Variants in CREB5 observed in about 807,000 individuals in gnomAD.
CREB5 encodes the protein cyclic AMP-responsive element-binding protein 5.
CREB5 carries 19 observed loss-of-function variants against 57.1 expected under a neutral mutation model. The ratio of observed to expected loss-of-function variants is 0.33; its 90% confidence interval spans 0.23 to 0.49. CREB5 has a LOEUF of 0.49. Among genes scored for constraint, CREB5 ranks in the 20% least tolerant of loss-of-function variants. The pLI is 0.99. For missense variants in CREB5, 579 were observed against 671.6 expected, an observed-to-expected ratio of 0.86 and a Z score of 1.52; for synonymous variants, 238 against 238.3, an observed-to-expected ratio of 1.00 and a Z score of 0.01.
intron 7 of CREB5, among the ~76,000 whole-genome samples, chr7:28,742,406 A>G (rs1034191539): frequency 4.0e-5 from 6 of 151,868 alleles, no homozygotes; most frequent in Non-Finnish European, 8.8e-5. Context: ...CTCTACTAAA[A>G]ATACAAAAAA....
chr7:28,553,849 A>G (rs1794764792), intron 4 of CREB5, among the ~76,000 whole-genome samples: 1 of 152,210 alleles, frequency 6.6e-6, no homozygotes, highest in Non-Finnish European at 1.5e-5. Flanking sequence ...TTTCCAGAAT[A>G]AAATGTCCTC....
At chr7:28,688,190 A>G (rs1350498816) in intron 5 of CREB5, among the ~76,000 whole-genome samples, 1 of 152,220 alleles carries the variant, frequency 6.6e-6, no homozygotes, top group African/African-American at 2.4e-5. Context: ...AAAAAAACAA[A>G]CATGGTAAAC....
chr7:28,404,390 T>C (rs991038642), intron 1 of CREB5, among the ~76,000 whole-genome samples: 5 of 152,076 alleles, frequency 3.3e-5, no homozygotes, highest in African/African-American at 1.2e-4. Flanking sequence ...CAGCCTCACC[T>C]CTCCTCTCCC....
chr7:28,355,117 A>G (rs1308221277), intron 1 of CREB5, among the ~76,000 whole-genome samples: 2 of 152,152 alleles, frequency 1.3e-5, no homozygotes, highest in Admixed American at 6.5e-5. Flanking sequence ...GCAATTTTCT[A>G]TTTCATTTTG....
intron 5 of CREB5, among the ~76,000 whole-genome samples, chr7:28,608,412 T>A (rs1797247669): frequency 6.6e-6 from 1 of 152,106 alleles, no homozygotes; most frequent in African/African-American, 2.4e-5. Flanking sequence ...TTTAAACAGA[T>A]GGGAGAAAAT....
Position 28,540,720 on chromosome 7 carries a change from G to A in CREB5, c.292-29645G>A, listed in dbSNP as rs899528387. Among the ~76,000 whole-genome samples the A allele has an allele frequency of 2.6e-5, 4 of 152,150 alleles. No individual in the cohort carries two copies. The East Asian group carries it at 7.7e-4, about 29-fold the overall frequency. On this transcript the variant is annotated intron_variant, in intron 4 of 10. Transcript: ENST00000357727. ...CTGGTCTTAGATAGCTTTTAGGGTT[G>A]GATTAGGTGTTGATGGAAAAGAAGA... is the stretch of plus-strand genomic sequence containing the variant.
chr7:28,345,034 G>A (rs1786016153), intron 1 of CREB5, among the ~76,000 whole-genome samples: 1 of 152,136 alleles, frequency 6.6e-6, no homozygotes, highest in African/African-American at 2.4e-5. Context: ...GGACAAGAAG[G>A]GAGAAATAGA....
intron 5 of CREB5, among the ~76,000 whole-genome samples, chr7:28,599,976 T>C (rs370603967): frequency 6.6e-6 from 1 of 152,126 alleles, no homozygotes; most frequent in Admixed American, 6.6e-5. Context: ...AATTGAGTTA[T>C]TAAAAGCAAT....
At chr7:28,476,281 A>G (rs1387977671) in intron 1 of CREB5, among the ~76,000 whole-genome samples, 1 of 152,238 alleles carries the variant, frequency 6.6e-6, no homozygotes, top group Non-Finnish European at 1.5e-5. Flanking sequence ...TCTTTAAAGA[A>G]CATTACCTTC....
intron 1 of CREB5, among the ~76,000 whole-genome samples, chr7:28,336,180 G>T (rs1234812110): frequency 1.3e-5 from 2 of 152,058 alleles, no homozygotes; most frequent in African/African-American, 2.4e-5. Flanking sequence ...TCTTTGTGTG[G>T]TTTTTGTATA....
intron 1 of CREB5, among the ~76,000 whole-genome samples, chr7:28,405,040 T>C (rs1486231326): frequency 3.3e-5 from 5 of 152,194 alleles, no homozygotes; most frequent in African/African-American, 7.2e-5. Flanking sequence ...ATCCCTTAGC[T>C]CAAGGGTTGG....
chr7:28,782,648 C>T (rs1291170317), intron 7 of CREB5, among the ~76,000 whole-genome samples: 3 of 152,118 alleles, frequency 2.0e-5, no homozygotes, highest in African/African-American at 4.8e-5. Context: ...CAACAATAGA[C>T]ACTCTTTAGG....
chr7:28,643,121 G>A (rs1798746743), intron 5 of CREB5, among the ~76,000 whole-genome samples: 2 of 152,044 alleles, frequency 1.3e-5, no homozygotes, highest in Admixed American at 6.6e-5. Context: ...GGTCCTGAGG[G>A]TTTGCAGTGG....
chr7:28,792,407 T>G (rs1807769945), intron 7 of CREB5, among the ~76,000 whole-genome samples: 1 of 152,314 alleles, frequency 6.6e-6, no homozygotes, highest in East Asian at 1.9e-4. Context: ...TGCTCAATAT[T>G]TTCTAATACC....
intron 5 of CREB5, among the ~76,000 whole-genome samples, chr7:28,642,985 C>CACACACACACAA (rs1562544740): frequency 9.2e-6 from 1 of 108,584 alleles, no homozygotes; most frequent in Non-Finnish European, 2.0e-5. Flanking sequence ...CACACACACA[C>CACACACACACAA]ATACACACAC....
rs113388186 is a variant in CREB5, at chr7:28,334,224, T to C, written c.-25+34783T>C. Among the ~76,000 whole-genome samples the C allele has an allele frequency of 6.3e-3, 963 of 152,132 alleles. 5 individuals are homozygous for C. Among genetic ancestry groups the C allele is most frequent in the African/African-American group, 0.022 (908 of 41,510 alleles). On this transcript the variant is annotated intron_variant, in intron 1 of 9. Coordinates refer to the CREB5 transcript ENST00000396299. ...AGGCTGGAGTGCAATGGTGCAATCT[T>C]GGCTCACTGCAACCTCCACCTCCCA...
At chr7:28,533,608 A>C (rs1793827456) in intron 4 of CREB5, among the ~76,000 whole-genome samples, 1 of 152,238 alleles carries the variant, frequency 6.6e-6, no homozygotes, top group Admixed American at 6.5e-5. Flanking sequence ...TAATTTCTAA[A>C]AGGCTAAGGG....
Position 28,592,355 on chromosome 7 carries a change from T to C in CREB5, c.464+21818T>C, listed in dbSNP as rs891426540. Among the ~76,000 whole-genome samples the C allele has an allele frequency of 1.6e-4, 25 of 152,222 alleles. 1 individual carries two copies. The highest frequency in any genetic ancestry group is 5.8e-4 in the African/African-American group (24 of 41,444). On this transcript the variant is annotated intron_variant, in intron 5 of 10. Coordinates refer to ENST00000357727, the MANE Select transcript of CREB5 (RefSeq NM_182898.4). ...TGTCTTGCAAAGAACTTTGAGGGAA[T>C]AGAATGCAGAAAGAGAGACCGGTAT...
chr7:28,511,895 C>G (rs1174464009), intron 4 of CREB5, among the ~76,000 whole-genome samples: 10 of 152,134 alleles, frequency 6.6e-5, no homozygotes, highest in African/African-American at 2.4e-4. Context: ...GAGAGAGAGA[C>G]CAGTTGAGAC....
Sources: gnomAD v4.1 joint callset for allele counts (sites outside exome capture counted in the v4.1 genomes callset) on GRCh38, gnomAD v4.1.1 for gene constraint, MANE v1.5 for transcripts, NCBI Gene and HGNC (gene_info 2026-07-23, HGNC 2026-07-21) for gene names.